Variants in GADL1 observed in about 807,000 individuals in gnomAD.
GADL1 encodes GAD like acidic amino acid decarboxylase 1.
Under a neutral mutation model 69.5 loss-of-function variants are expected in GADL1, and 71 were observed. That is an observed-to-expected ratio of 1.02 (90% CI 0.84 to 1.25). The LOEUF (loss-of-function observed/expected upper bound fraction) is 1.25. GADL1 is among the 50% of genes most tolerant of loss of function. The pLI, the probability that GADL1 is intolerant of heterozygous loss-of-function variation, is 0.00. For synonymous variants in GADL1, 254 were observed against 214.4 expected (o/e 1.18, Z -1.62); for missense variants, 737 against 631.8 (o/e 1.17, Z -1.79).
At chr3:30,807,937 C>A (rs913780810) in intron 11 of GADL1, among the ~76,000 whole-genome samples, 2 of 147,024 alleles carry the variant, frequency 1.4e-5, no homozygotes, top group Non-Finnish European at 3.0e-5. Flanking sequence ...GAGGCTGAGG[C>A]AGAAGAATCG....
rs571813250 is a variant in GADL1 at position 30,876,341 on chromosome 3, G to A, written c.38-14576C>T. ...TCCATTTATGGAAAGAGATGGGATA[G>A]GGACAGTAATGTGTACTGATAAATT... On this transcript the variant is annotated intron_variant, in intron 1 of 14. Coordinates refer to ENST00000282538, the MANE Select transcript of GADL1 (RefSeq NM_207359.3). 2.6e-5 allele frequency among the ~76,000 whole-genome samples: 4 copies of A among 152,146 alleles called. No individual in the cohort carries two copies. The East Asian group carries it at 7.8e-4, about 30-fold the overall frequency.
At chr3:30,784,200 C>CT (rs1426716827) in intron 13 of GADL1, among the ~76,000 whole-genome samples, 3 of 152,176 alleles carry the variant, frequency 2.0e-5, no homozygotes, top group Non-Finnish European at 4.4e-5. Context: ...TTGACACCAT[C>CT]TAATAGCCAG....
At position 30,829,477 on chromosome 3, in the gene GADL1, C is replaced by T. The variant is rs116056420; in HGVS notation, c.1050+4376G>A. On this transcript the variant is annotated intron_variant, in intron 11 of 14. Transcript: ENST00000282538. ...TTAAACTAGAGTTATCCTTTTACAT[C>T]AACAGAAGAACCAATTAGAATCACT... Among the ~76,000 whole-genome samples, 488 of 151,956 alleles carry T rather than the reference C, an allele frequency of 3.2e-3. 4 individuals carry two copies. Among genetic ancestry groups the T allele is most frequent in the African/African-American group, 0.011 (463 of 41,470 alleles).
chr3:30,821,113 G>C (rs1323487144), intron 11 of GADL1, among the ~76,000 whole-genome samples: 1 of 152,098 alleles, frequency 6.6e-6, no homozygotes, highest in Admixed American at 6.6e-5. Context: ...TCATAGGTGG[G>C]AATTGAACAA....
chr3:30,784,863 C>T (rs1017144009), intron 13 of GADL1, among the ~76,000 whole-genome samples: 1 of 152,186 alleles, frequency 6.6e-6, no homozygotes, highest in African/African-American at 2.4e-5. Flanking sequence ...CTCTGCCCAC[C>T]TCTGCAATTC....
chr3:30,845,178 A>C (rs1187118349), intron 6 of GADL1, among the ~76,000 whole-genome samples: 4 of 152,200 alleles, frequency 2.6e-5, no homozygotes, highest in African/African-American at 4.8e-5. Flanking sequence ...TTACTCAGCT[A>C]TGGCATGAGT....
intron 6 of GADL1, among the ~76,000 whole-genome samples, chr3:30,847,102 CA>C: frequency 6.6e-6 from 1 of 152,246 alleles, no homozygotes; most frequent in East Asian, 1.9e-4. Flanking sequence ...TCTATACACC[CA>C]AGAAATTTAT....
intron 4 of GADL1, among the ~76,000 whole-genome samples, chr3:30,851,368 C>T (rs566763492): frequency 6.6e-6 from 1 of 152,216 alleles, no homozygotes; most frequent in Admixed American, 6.5e-5. Flanking sequence ...TGCTAACAGT[C>T]CCCTCTAGAT....
At chr3:30,861,035 A>G (rs1698312635) in intron 2 of GADL1, among the ~76,000 whole-genome samples, 2 of 152,012 alleles carry the variant, frequency 1.3e-5, no homozygotes, top group South Asian at 4.1e-4. Flanking sequence ...ATCAATTTGA[A>G]TTGAATTTGA....
chr3:30,818,343 A>G (rs1279477367), intron 11 of GADL1, among the ~76,000 whole-genome samples: 1 of 152,232 alleles, frequency 6.6e-6, no homozygotes, highest in East Asian at 1.9e-4. Flanking sequence ...CTTTGGATGT[A>G]CAAAAAGGGA....
chr3:30,789,779 C>T (rs1475409914), intron 12 of GADL1, among the ~76,000 whole-genome samples: 2 of 152,170 alleles, frequency 1.3e-5, no homozygotes, highest in Non-Finnish European at 2.9e-5. Flanking sequence ...CCAACCTCTG[C>T]TAGCTTCCAA....
chr3:30,879,301 G>A (rs1208701919), intron 1 of GADL1, among the ~76,000 whole-genome samples: 2 of 151,872 alleles, frequency 1.3e-5, no homozygotes, highest in Non-Finnish European at 2.9e-5. Flanking sequence ...CTCCCCAGTA[G>A]AGAAAATGCA....
At chr3:30,833,596 T>TGA (rs143874584) in intron 11 of GADL1, among the ~76,000 whole-genome samples, 3 of 151,986 alleles carry the variant, frequency 2.0e-5, no homozygotes, top group African/African-American at 7.2e-5. Context: ...CAAATGATGG[T>TGA]GAGAGAGAGA....
In GADL1 at chr3:30,785,763, C is replaced by A. The variant is rs9310946; in HGVS notation, c.1302+592G>T. 6.2e-3 allele frequency among the ~76,000 whole-genome samples: 940 copies of A among 152,240 alleles called. 14 individuals are homozygous for A. Among genetic ancestry groups the A allele is most frequent in the African/African-American group, 0.022 (895 of 41,532 alleles). On this transcript the variant is annotated intron_variant, in intron 13 of 14. Transcript: ENST00000282538. ...GTTAAAAACTGCTATAATACATATA[C>A]TATAACAAAATCTAAGAAGTTTGCA...
At chr3:30,884,500 A>T (rs986135721) in intron 1 of GADL1, among the ~76,000 whole-genome samples, 2 of 151,966 alleles carry the variant, frequency 1.3e-5, no homozygotes, top group Admixed American at 1.3e-4. Flanking sequence ...GAAGTTACCA[A>T]CCTCAACCAC....
rs140324096 is a variant in GADL1 at position 30,869,634 on chromosome 3, A to ATT, written c.38-7871_38-7870dup. ...GAGATATGGGTATCTATTTTATTTT[A>ATT]TTTTTTTTTGAAAAGAGCAAGACGA... is the stretch of plus-strand genomic sequence containing the variant. On this transcript the variant is annotated intron_variant, in intron 1 of 14. Coordinates refer to ENST00000282538, the MANE Select transcript of GADL1 (RefSeq NM_207359.3). Among the ~76,000 whole-genome samples the ATT allele has an allele frequency of 2.5e-3, 371 of 150,752 alleles. 2 individuals are homozygous for ATT. The highest frequency in any genetic ancestry group is 6.4e-3 in the African/African-American group (264 of 40,974).
chr3:30,841,745 C>T (rs1697969290), intron 8 of GADL1, among the ~76,000 whole-genome samples: 1 of 152,074 alleles, frequency 6.6e-6, no homozygotes, highest in African/African-American at 2.4e-5. Context: ...AAGTGAGAAG[C>T]TGATGGAGTG....
chr3:30,732,780 G>T (rs1188576906), intron 14 of GADL1, among the ~76,000 whole-genome samples: 5 of 152,042 alleles, frequency 3.3e-5, no homozygotes, highest in Non-Finnish European at 7.4e-5. Flanking sequence ...TTTCAGGGTC[G>T]GGCATGGTTG....
At chr3:30,812,359 C>A in intron 11 of GADL1, among the ~76,000 whole-genome samples, 1 of 152,188 alleles carries the variant, frequency 6.6e-6, no homozygotes. Context: ...GGGCAATTTA[C>A]AAAAGAAGTT....
Sources: gnomAD v4.1 joint callset for allele counts (sites outside exome capture counted in the v4.1 genomes callset) on GRCh38, gnomAD v4.1.1 for gene constraint, MANE v1.5 for transcripts, NCBI Gene and HGNC (gene_info 2026-07-23, HGNC 2026-07-21) for gene names.